DST: variants seen among roughly 807,000 people sequenced by gnomAD.
DST encodes bullous pemphigoid antigen.
DST carries 253 observed loss-of-function variants against 875.2 expected under a neutral mutation model. The ratio of observed to expected loss-of-function variants is 0.29; its 90% CI spans 0.26 to 0.32. The LOEUF (loss-of-function observed/expected upper bound fraction) is 0.32. Among genes scored for constraint, DST ranks in the 10% least tolerant of loss-of-function variants. The pLI is 1.00. For synonymous variants in DST, 3,124 were observed against 3,197.1 expected, an observed-to-expected ratio of 0.98 and a Z score of 0.77; for missense variants, 8,287 against 9,111.6, an observed-to-expected ratio of 0.91 and a Z score of 3.68.
chr6:56,940,851 A>G (rs1283188809), intron 2 of DST, among the ~76,000 whole-genome samples: 1 of 152,034 alleles, frequency 6.6e-6, no homozygotes, highest in Admixed American at 6.5e-5. Flanking sequence ...CAGCCTCCCA[A>G]AATGCTGAGA....
intron 4 of DST, among the ~76,000 whole-genome samples, chr6:56,745,975 C>CT (rs561155720): frequency 5.3e-5 from 8 of 151,970 alleles, no homozygotes; most frequent in Admixed American, 3.9e-4. Context: ...ATGGCAGAGA[C>CT]TTTTTTATTT....
At chr6:56,568,335 G>C (rs1313169372) in intron 55 of DST, 134 bp downstream of exon 55, 8 of 893,438 alleles carry the variant, frequency 9.0e-6, no homozygotes, top group Non-Finnish European at 1.3e-5. Flanking sequence ...GCTTACAGAT[G>C]CCATGTTTCT....
intron 49 of DST, among the ~76,000 whole-genome samples, chr6:56,588,998 T>C (rs9382650): frequency 0.44 from 67,248 of 152,038 alleles, 15,522 homozygotes; most frequent in African/African-American, 0.55. Context: ...ACAGGGACAG[T>C]TTATTCATAT....
chr6:56,707,581 C>G (rs980594134), intron 5 of DST, among the ~76,000 whole-genome samples: 2 of 152,136 alleles, frequency 1.3e-5, no homozygotes, highest in Non-Finnish European at 2.9e-5. Flanking sequence ...GAATTCTGTG[C>G]TCTCTGGTCC....
At chr6:56,570,473 T>C (rs1188949700) in intron 53 of DST, among the ~76,000 whole-genome samples, 1 of 152,148 alleles carries the variant, frequency 6.6e-6, no homozygotes, top group Non-Finnish European at 1.5e-5. Flanking sequence ...CCTAGATCCC[T>C]TGCATGCAGT....
At chr6:56,496,011 G>T (rs553925071) in intron 82 of DST, among the ~76,000 whole-genome samples, 2 of 152,150 alleles carry the variant, frequency 1.3e-5, no homozygotes, top group South Asian at 4.2e-4. Context: ...TGTAGATATT[G>T]ATGTACACTG....
intron 90 of DST, among the ~76,000 whole-genome samples, 185 bp downstream of exon 90, chr6:56,481,861 ATGTG>A (rs2095412376): frequency 6.6e-6 from 1 of 152,234 alleles, no homozygotes; most frequent in South Asian, 2.1e-4. Context: ...GTACACATAC[ATGTG>A]TGTGGGTGCA....
In DST at chr6:56,501,527, T is replaced by C. The variant is rs1045480749; in HGVS notation, c.19733A>G (p.Asn6578Ser). The part of the protein sequence containing the change: ...IWDSLEERII[N>S]RQHKLEGALL... ...AAAAGTCTTGGTATTTACCTGTCTG[T>C]TGATGATTCTCTCCTCCAGGCTATC... Residue 6578 changes from asparagine to serine, a missense_variant, in exon 79 of 104, where the codon AAC becomes AGC. By Grantham distance (46) the Asn-to-Ser change is conservative. Around this residue, in one of 10 missense-constraint regions of DST, gnomAD observed 1,292 missense variants for 1,552.7 expected, o/e 0.83. Transcript: ENST00000680361. 5 of 1,568,150 alleles carry C rather than the reference T, an allele frequency of 3.2e-6. No individual in the cohort carries two copies. Among genetic ancestry groups the C allele is most frequent in the Middle Eastern group, 3.4e-4 (2 of 5,968 alleles).
At chr6:56,841,842 TACAC>T (rs113928816) in intron 4 of DST, among the ~76,000 whole-genome samples, 1 of 150,116 alleles carries the variant, frequency 6.7e-6, no homozygotes, top group Non-Finnish European at 1.5e-5. Flanking sequence ...CCCACCCACA[TACAC>T]ACACACACAC....
chr6:56,543,897 ACT>A lies in DST; in HGVS notation c.16609-6959_16609-6958del, dbSNP rs140619786. On this transcript the variant is annotated intron_variant, in intron 61 of 103. Coordinates refer to ENST00000680361, the MANE Select transcript of DST (RefSeq NM_001374736.1). The stretch of plus-strand genomic sequence containing the variant: ...TTAAAAAAATCTTTTCATAATGAAA[ACT>A]CTATCGGTAACTCATCCATTCAACA... Among the ~76,000 whole-genome samples the A allele has an allele frequency of 7.7e-3, 1,171 of 152,162 alleles. 15 individuals are homozygous for A. The highest frequency in any genetic ancestry group is 0.027 in the African/African-American group (1,115 of 41,510).
Position 56,526,465 on chromosome 6 carries a change from G to A in DST, c.18025C>T (p.Leu6009Phe). The A allele has an allele frequency of 6.2e-7, 1 of 1,613,852 alleles. No homozygotes were observed. Among genetic ancestry groups the A allele is most frequent in the African/African-American group, 1.3e-5 (1 of 75,008 alleles). ...ELVPWRAREGLEKMVAEDNER... is the reference protein window; with the variant it reads ...ELVPWRAREGFEKMVAEDNER... Reference sequence around the variant, plus strand: ...TTGTCCTCAGCTACCATTTTCTCAAGTCCTTCTCTTGCCCTCCATGGTACC... The same window carrying A: ...TTGTCCTCAGCTACCATTTTCTCAAATCCTTCTCTTGCCCTCCATGGTACC... The change falls in exon 69 of 104, where the codon CTT becomes TTT. Residue 6009 changes from leucine to phenylalanine, a missense_variant. Physicochemically the swap from Leu to Phe is conservative, Grantham distance 22 (BLOSUM62 0). Around this residue, in one of 10 missense-constraint regions of DST, gnomAD observed 777 missense variants for 764.8 expected, o/e 1.02. Coordinates refer to ENST00000680361, the MANE Select transcript of DST (RefSeq NM_001374736.1).
intron 4 of DST, among the ~76,000 whole-genome samples, chr6:56,825,025 A>G (rs1006081766): frequency 2.0e-5 from 3 of 152,362 alleles, no homozygotes; most frequent in Middle Eastern, 3.4e-3. Context: ...AGAACGGGCC[A>G]TGATGACAAT....
chr6:56,465,867 T>TAAAAAAAAAA (rs11359681), intron 99 of DST, among the ~76,000 whole-genome samples: 2 of 112,410 alleles, frequency 1.8e-5, no homozygotes, highest in Non-Finnish European at 4.0e-5. Context: ...CCAGAAAAAG[T>TAAAAAAAAAA]AAAAAAAAAA....
chr6:56,916,778 T>TCTCTCTCTCTCTCTCTCA (rs1470233953), intron 2 of DST, among the ~76,000 whole-genome samples: 18 of 91,342 alleles, frequency 2.0e-4, no homozygotes, highest in African/African-American at 8.7e-4. Flanking sequence ...TCTCTCTCTC[T>TCTCTCTCTCTCTCTCTCA]CACACACACA....
At chr6:56,530,311 A>G (rs540972443) in intron 64 of DST, among the ~76,000 whole-genome samples, 178 bp from the exon 65 acceptor site, 1 of 152,348 alleles carries the variant, frequency 6.6e-6, no homozygotes, top group African/African-American at 2.4e-5. Flanking sequence ...GTTAAAAAAA[A>G]TTAAAGTTGA....
At chr6:56,645,771 G>T in intron 15 of DST, 95 bp downstream of exon 15, 3 of 1,425,870 alleles carry the variant, frequency 2.1e-6, no homozygotes, top group Admixed American at 2.2e-5. Flanking sequence ...CTTATCCAAG[G>T]CCAAGTAAAC....
intron 98 of DST, among the ~76,000 whole-genome samples, chr6:56,468,158 G>GTAAAA (rs67981939): frequency 2.2e-3 from 158 of 72,758 alleles, no homozygotes; most frequent in Non-Finnish European, 3.3e-3. Flanking sequence ...TCTTTCCAAA[G>GTAAAA]TAAAATAAAA....
chr6:56,520,160 G>C (rs958087099), intron 69 of DST, among the ~76,000 whole-genome samples: 4 of 151,966 alleles, frequency 2.6e-5, no homozygotes, highest in Admixed American at 1.3e-4. Flanking sequence ...ATCAGTGAAG[G>C]AAAAGAAATT....
In DST at chr6:56,479,638, G is replaced by C. The variant is rs190065323; in HGVS notation, c.21532-2150C>G. Among the ~76,000 whole-genome samples the C allele has an allele frequency of 1.1e-4, 17 of 152,276 alleles. No homozygotes were observed. In the East Asian group the frequency reaches 3.3e-3, roughly 29 times the overall value. ...CATGTACTTTGCAGCAACATGCATA[G>C]AGCTGGAAGGCATTACCCTAAGTGA... is the stretch of plus-strand genomic sequence containing the variant. On this transcript the variant is annotated intron_variant, in intron 90 of 103. Transcript: ENST00000680361.
Sources: gnomAD v4.1 joint callset for allele counts (sites outside exome capture counted in the v4.1 genomes callset) on GRCh38, gnomAD v4.1.1 for gene constraint, gnomAD v4.1.1 regional missense constraint, MANE v1.5 for transcripts, NCBI Gene and HGNC (gene_info 2026-07-23, HGNC 2026-07-21) for gene names.